The following TMEM45B variants were observed in gnomAD, a reference collection of about 807,000 sequenced individuals.
TMEM45B encodes the protein transmembrane protein 45B.
TMEM45B carries 29 observed loss-of-function variants against 27.3 expected under a neutral mutation model. The ratio of observed to expected loss-of-function variants is 1.06; its 90% CI spans 0.79 to 1.45. The LOEUF (loss-of-function observed/expected upper bound fraction) is 1.45. TMEM45B is among the 40% of genes most tolerant of loss of function. The probability of loss-of-function intolerance (pLI) is 0.00; values close to 1 mark genes in which losing one functional copy is unlikely to be tolerated. For missense variants in TMEM45B, 348 were observed against 343.9 expected (o/e 1.01, Z -0.09); for synonymous variants, 143 against 134.7 (o/e 1.06, Z -0.43).
chr11:129,825,349 C>T (rs1432078621), intron 1 of TMEM45B, among the ~76,000 whole-genome samples: 1 of 151,718 alleles, frequency 6.6e-6, no homozygotes, highest in Non-Finnish European at 1.5e-5. Flanking sequence ...GGTGACTGGA[C>T]ATTAAGCCAT....
At chr11:129,838,799 AAAAC>A (rs1335364550) in intron 1 of TMEM45B, among the ~76,000 whole-genome samples, 1 of 152,186 alleles carries the variant, frequency 6.6e-6, no homozygotes, top group African/African-American at 2.4e-5. Context: ...CTTGAGGAGA[AAAAC>A]AAAATTCACT....
chr11:129,855,921 G>A, intron 4 of TMEM45B, 29 bp downstream of exon 4: 2 of 1,611,714 alleles, frequency 1.2e-6, no homozygotes, highest in Non-Finnish European at 1.7e-6. Flanking sequence ...GCCCCTCGCT[G>A]GTCTGGATGG....
At chr11:129,856,032 T>G in intron 4 of TMEM45B, 140 bp downstream of exon 4, 1 of 955,092 alleles carries the variant, frequency 1.0e-6, no homozygotes, top group South Asian at 1.7e-5. Context: ...AGATGACCCT[T>G]TTCCCCCCAT....
Position 129,855,891 on chromosome 11 carries a change from AGGTG to A in TMEM45B, c.570_570+3del. ...ATTCTTCAGGGAACCTGGTTCTGGC[AGGTG>A]ATTTTCCACACCCAGGCCCCTCGCT... On this transcript the variant is annotated splice_donor_variant and splice_donor_region_variant and coding_sequence_variant and intron_variant, in exon 4 of 6. Coordinates refer to ENST00000281441, the MANE Select transcript of TMEM45B (RefSeq NM_138788.5). LOFTEE classifies it high-confidence loss of function. The A allele has an allele frequency of 2.5e-6, 4 of 1,614,056 alleles. No homozygotes were observed. In the South Asian group the frequency reaches 4.4e-5, roughly 18 times the overall value.
In TMEM45B at chr11:129,858,586, G is replaced by A; in HGVS notation, c.729G>A (p.Arg243=). 6.3e-7 allele frequency: 1 copy of A among 1,585,124 alleles called. No homozygotes were observed. The highest frequency in any genetic ancestry group is 1.2e-5 in the South Asian group (1 of 86,504). Residue 243 remains arginine (R), a synonymous_variant, in exon 6 of 6, where the codon CGG becomes CGA. Transcript: ENST00000281441. ...NYSLVYCLLT[R]MKRHGRGEII... Reference sequence around the variant, plus strand: ...TTCTCTATTAAAGCCTTTTGACTCGGATGAAGAGACACGGAAGGGGAGAAA... The same window carrying A: ...TTCTCTATTAAAGCCTTTTGACTCGAATGAAGAGACACGGAAGGGGAGAAA...
chr11:129,847,061 TA>T (rs1162088908), intron 1 of TMEM45B, among the ~76,000 whole-genome samples: 2 of 152,150 alleles, frequency 1.3e-5, no homozygotes, highest in African/African-American at 4.8e-5. Context: ...CAAACGAGTA[TA>T]ATGCAACTGC....
chr11:129,816,227 C>T (rs937142089), intron 1 of TMEM45B, among the ~76,000 whole-genome samples: 7 of 152,264 alleles, frequency 4.6e-5, no homozygotes, highest in African/African-American at 1.7e-4. Flanking sequence ...CAGTCCCCCG[C>T]GAGTCAGGTC....
intron 1 of TMEM45B, among the ~76,000 whole-genome samples, chr11:129,846,672 A>G (rs1160017279): frequency 1.3e-5 from 2 of 152,200 alleles, no homozygotes; most frequent in Non-Finnish European, 2.9e-5. Flanking sequence ...TTAAAAAAAA[A>G]TCAGTCTGCA....
chr11:129,825,799 G>T lies in TMEM45B; in HGVS notation c.-9+9901G>T, dbSNP rs562018460. On this transcript the variant is annotated intron_variant, in intron 1 of 5. Transcript: ENST00000281441. ...TTCCAAGAGGTGGAGAAGGCAGAGA[G>T]CCCAAGCCTTGAAGAAATGTTCCTT... Among the ~76,000 whole-genome samples, 232 of 152,284 alleles carry T rather than the reference G, an allele frequency of 1.5e-3. 1 individual carries two copies. The highest frequency in any genetic ancestry group is 4.9e-3 in the African/African-American group (203 of 41,558).
rs1294161037 is a variant in TMEM45B, at chr11:129,854,621, G to T, written c.190G>T (p.Glu64Ter). 2.5e-6 allele frequency: 4 copies of T among 1,614,084 alleles called. No individual in the cohort carries two copies. Among genetic ancestry groups the T allele is most frequent in the Non-Finnish European group, 2.5e-6 (3 of 1,180,026 alleles). Residue 64 changes from glutamate to a stop codon, truncating the protein, a stop_gained, in exon 3 of 6, where the codon GAG becomes TAG. Coordinates refer to ENST00000281441, the MANE Select transcript of TMEM45B (RefSeq NM_138788.5). LOFTEE classifies it high-confidence loss of function. ...TCATTTCCCTGCAGGGATCCTGGCAGAGCAGTTTGTTCCGGATGGGCCCCA... is the reference window on the plus strand; with the variant it reads ...TCATTTCCCTGCAGGGATCCTGGCATAGCAGTTTGTTCCGGATGGGCCCCA... Reference protein sequence around the residue: ...TLFSVTGILAEQFVPDGPHLH... With the variant: ...TLFSVTGILA
chr11:129,849,619 C>T (rs897908244), intron 1 of TMEM45B, among the ~76,000 whole-genome samples: 2 of 152,230 alleles, frequency 1.3e-5, no homozygotes, highest in Non-Finnish European at 2.9e-5. Context: ...AGTATGCATA[C>T]CTACAGAGTC....
chr11:129,839,714 T>G (rs915527054), intron 1 of TMEM45B, among the ~76,000 whole-genome samples: 2 of 152,138 alleles, frequency 1.3e-5, no homozygotes, highest in South Asian at 2.1e-4. Flanking sequence ...TAATTTATTT[T>G]TAGTAGAGAC....
chr11:129,826,485 C>T (rs1219185648), intron 1 of TMEM45B, among the ~76,000 whole-genome samples: 1 of 143,162 alleles, frequency 7.0e-6, no homozygotes, highest in Non-Finnish European at 1.5e-5. Context: ...GGAGGCAGAG[C>T]TTGCAGTGAG....
At chr11:129,853,115 TAGAG>T (rs1565373198) in intron 2 of TMEM45B, among the ~76,000 whole-genome samples, 1 of 152,148 alleles carries the variant, frequency 6.6e-6, no homozygotes. Flanking sequence ...CAAGCGCTTA[TAGAG>T]AGTTTATGTA....
At chr11:129,818,772 T>C (rs1202384752) in intron 1 of TMEM45B, among the ~76,000 whole-genome samples, 3 of 152,250 alleles carry the variant, frequency 2.0e-5, no homozygotes, top group African/African-American at 4.8e-5. Flanking sequence ...ATTACAAAAA[T>C]ATCTTAGAGC....
rs558813 is a variant in TMEM45B, at chr11:129,852,658, C to T, written c.176C>T (p.Thr59Ile). The change falls in exon 2 of 6, where the codon ACT becomes ATT. Residue 59 changes from threonine to isoleucine, a missense_variant and splice_region_variant. Coordinates refer to ENST00000281441, the MANE Select transcript of TMEM45B (RefSeq NM_138788.5). ...EAAIRTLFSV[T>I]GILAEQFVPD... ...GCAATTAGGACTTTGTTTTCCGTCA[C>T]TGGTAAGAGCAGGGGTCATTTGGTC... 0.19 allele frequency: 301,139 copies of T among 1,601,032 alleles called. 31,132 individuals are homozygous for T. Among genetic ancestry groups the T allele is most frequent in the African/African-American group, 0.43 (32,378 of 74,702 alleles).
chr11:129,850,800 CTCT>C (rs1591450029), intron 1 of TMEM45B, among the ~76,000 whole-genome samples: 3 of 152,206 alleles, frequency 2.0e-5, no homozygotes, highest in Admixed American at 2.0e-4. Flanking sequence ...TACAGCTCTC[CTCT>C]TCTTCTGAGC....
intron 1 of TMEM45B, among the ~76,000 whole-genome samples, chr11:129,817,174 C>A (rs977275194): frequency 1.3e-5 from 2 of 152,146 alleles, no homozygotes; most frequent in African/African-American, 4.8e-5. Context: ...AGCATTTTAC[C>A]TGCAATTTTA....
At chr11:129,816,106 G>C (rs1030540689) in intron 1 of TMEM45B, among the ~76,000 whole-genome samples, 2 of 152,138 alleles carry the variant, frequency 1.3e-5, no homozygotes, top group Non-Finnish European at 2.9e-5. Context: ...CCCTGGTGTC[G>C]CGGAAGCCCA....
Sources: allele counts gnomAD v4.1 joint callset (sites outside exome capture counted in the v4.1 genomes callset), GRCh38; gene constraint gnomAD v4.1.1; transcripts MANE v1.5; gene names NCBI Gene and HGNC (gene_info 2026-07-23, HGNC 2026-07-21).